RTN3: variants seen among roughly 807,000 people sequenced by gnomAD.
RTN3 encodes reticulon-3.
In RTN3, 49 loss-of-function variants were observed where a neutral mutation model predicts 77.8. The ratio of observed to expected loss-of-function variants is 0.63; its 90% CI spans 0.50 to 0.80. The LOEUF (loss-of-function observed/expected upper bound fraction) is 0.80, where lower values mean the gene tolerates loss of function less well. Among genes scored for constraint, RTN3 ranks in the 30% least tolerant of loss-of-function variants. The probability of loss-of-function intolerance (pLI) is 0.00; values close to 1 mark genes in which losing one functional copy is unlikely to be tolerated. For synonymous variants in RTN3, 464 were observed against 446.9 expected (o/e 1.04, Z -0.48); for missense variants, 1,236 against 1,211.9 (o/e 1.02, Z -0.29).
At position 63,687,748 on chromosome 11, in the gene RTN3, C is replaced by G. The variant is rs576427246; in HGVS notation, c.142+5970C>G. Among the ~76,000 whole-genome samples, 48 of 152,264 alleles carry G rather than the reference C, an allele frequency of 3.2e-4. 1 individual carries two copies. The highest frequency in any genetic ancestry group is 1.2e-3 in the African/African-American group (48 of 41,544). The stretch of plus-strand genomic sequence containing the variant: ...ACACATTTGCTTTGTACCCTTAAAT[C>G]CTGACCTTTATTAAATAACAATACC... On this transcript the variant is annotated intron_variant, in intron 1 of 8. Coordinates refer to ENST00000377819, the MANE Select transcript of RTN3 (RefSeq NM_001265589.2).
chr11:63,694,490 T>G (rs1046639135), intron 1 of RTN3, among the ~76,000 whole-genome samples: 2 of 151,502 alleles, frequency 1.3e-5, no homozygotes, highest in African/African-American at 4.9e-5. Context: ...AATTTACTTT[T>G]AAGACAAGGC....
At chr11:63,703,079 CA>C (rs1414402360) in intron 1 of RTN3, among the ~76,000 whole-genome samples, 3 of 151,790 alleles carry the variant, frequency 2.0e-5, no homozygotes, top group African/African-American at 7.3e-5. Flanking sequence ...TGGATTCAAC[CA>C]ATTGTGGACC....
intron 1 of RTN3, among the ~76,000 whole-genome samples, chr11:63,690,356 CAT>C (rs1941590893): frequency 6.6e-6 from 1 of 152,134 alleles, no homozygotes; most frequent in Non-Finnish European, 1.5e-5. Flanking sequence ...AAGTTGTGCC[CAT>C]ATGTTACCTT....
At chr11:63,688,429 A>G (rs1412787609) in intron 1 of RTN3, among the ~76,000 whole-genome samples, 1 of 152,132 alleles carries the variant, frequency 6.6e-6, no homozygotes, top group East Asian at 1.9e-4. Flanking sequence ...TCACCATGTT[A>G]GCCAGGATGG....
intron 2 of RTN3, among the ~76,000 whole-genome samples, chr11:63,718,355 C>G (rs2011519443): frequency 6.6e-6 from 1 of 152,158 alleles, no homozygotes; most frequent in African/African-American, 2.4e-5. Context: ...TTGATTAGCT[C>G]TATCAAAGAA....
chr11:63,757,301 T>C lies in RTN3; in HGVS notation c.3054-855T>C, dbSNP rs565562466. 2.8e-4 allele frequency among the ~76,000 whole-genome samples: 43 copies of C among 152,300 alleles called. 2 individuals carry two copies. In the South Asian group the frequency reaches 8.5e-3, roughly 30 times the overall value. On this transcript the variant is annotated intron_variant, in intron 8 of 8. Coordinates refer to ENST00000377819, the MANE Select transcript of RTN3 (RefSeq NM_001265589.2). ...GTTGTTTTCTTCTTTTTACTTTTTT[T>C]CCCCATACCTAGAGGACAGTATTTT...
Position 63,720,323 on chromosome 11 carries a change from G to T in RTN3, c.1821G>T (p.Glu607Asp). 6.2e-7 allele frequency: 1 copy of T among 1,613,834 alleles called. No homozygotes were observed. Among genetic ancestry groups the T allele is most frequent in the South Asian group, 1.1e-5 (1 of 91,016 alleles). ...CTCCTGAAAAGCCTATTACTACTGA[G>T]AACCCCAAACTTCCTTCAACAGTGT... is the stretch of plus-strand genomic sequence containing the variant. ...EVAPEKPITT[E>D]NPKLPSTVSP... Residue 607 changes from glutamate to aspartate, a missense_variant, in exon 3 of 9, where the codon GAG becomes GAT. Around this residue, in one of 3 missense-constraint regions of RTN3, gnomAD observed 1,056 missense variants for 990.4 expected, o/e 1.07. Transcript: ENST00000377819.
At chr11:63,691,893 A>G (rs1221359901) in intron 1 of RTN3, among the ~76,000 whole-genome samples, 2 of 152,136 alleles carry the variant, frequency 1.3e-5, no homozygotes, top group Admixed American at 6.6e-5. Flanking sequence ...TGAAAATGCA[A>G]GTTGGATCAT....
chr11:63,690,535 G>A (rs1229615942), intron 1 of RTN3, among the ~76,000 whole-genome samples: 1 of 152,210 alleles, frequency 6.6e-6, no homozygotes, highest in Non-Finnish European at 1.5e-5. Flanking sequence ...CCTTCTTACA[G>A]ATGGGGACTC....
intron 3 of RTN3, among the ~76,000 whole-genome samples, chr11:63,728,221 C>T (rs2134952256): frequency 6.6e-6 from 1 of 152,250 alleles, no homozygotes; most frequent in African/African-American, 2.4e-5. Context: ...GCAAAGGATT[C>T]CCAACCAAGG....
intron 2 of RTN3, chr11:63,714,467 CA>C (rs1157955007): frequency 1.3e-5 from 2 of 148,716 alleles, no homozygotes; most frequent in Non-Finnish European, 3.0e-5. Flanking sequence ...GTAGCCATGT[CA>C]TATTAATCTT....
intron 8 of RTN3, among the ~76,000 whole-genome samples, chr11:63,756,568 G>A (rs1335502047): frequency 6.6e-6 from 1 of 152,120 alleles, no homozygotes; most frequent in Non-Finnish European, 1.5e-5. Context: ...AGCTACTGGA[G>A]AGGCTGAGAC....
intron 7 of RTN3, among the ~76,000 whole-genome samples, chr11:63,754,718 A>C (rs1466835747): frequency 9.8e-5 from 11 of 111,996 alleles, no homozygotes; most frequent in Non-Finnish European, 2.1e-4. Context: ...AAAAAAAAAA[A>C]CGCTTAGATG....
chr11:63,714,665 A>G (rs1031890517), intron 2 of RTN3, among the ~76,000 whole-genome samples: 16 of 151,266 alleles, frequency 1.1e-4, no homozygotes, highest in African/African-American at 3.9e-4. Flanking sequence ...GGCACGTGCC[A>G]CCATGCACGG....
intron 3 of RTN3, among the ~76,000 whole-genome samples, chr11:63,743,741 C>T (rs906978424): frequency 6.6e-6 from 1 of 151,806 alleles, no homozygotes; most frequent in African/African-American, 2.4e-5. Context: ...ATGGTGAAAC[C>T]CTGTCTCTAC....
intron 3 of RTN3, among the ~76,000 whole-genome samples, chr11:63,742,469 A>T (rs953942282): frequency 4.6e-5 from 7 of 151,270 alleles, no homozygotes; most frequent in African/African-American, 1.7e-4. Context: ...AACATGGTGA[A>T]ACCCCGTCTC....
intron 3 of RTN3, among the ~76,000 whole-genome samples, chr11:63,746,664 G>A (rs765812852): frequency 1.3e-5 from 2 of 151,870 alleles, no homozygotes; most frequent in Non-Finnish European, 2.9e-5. Flanking sequence ...ATGGGCACCC[G>A]CCACCACGCC....
chr11:63,720,684 A>G lies in RTN3; in HGVS notation c.2182A>G (p.Thr728Ala). Residue 728 changes from threonine to alanine, a missense_variant, in exon 3 of 9, where the codon ACC becomes GCC. Thr to Ala is a moderately conservative substitution (Grantham distance 58). This residue lies in a region of RTN3 where 1,056 missense variants were observed against 990.4 expected (regional missense o/e 1.07). Transcript: ENST00000377819. Reference protein sequence around the residue: ...NGSEPLGVFPTQGTPVASLDL... With the variant: ...NGSEPLGVFPAQGTPVASLDL... ...AAGTGAGCCTCTAGGTGTTTTCCCT[A>G]CCCAAGGTACTCCAGTAGCATCTCT... 6.2e-7 allele frequency: 1 copy of G among 1,614,180 alleles called. No homozygotes were observed. The highest frequency in any genetic ancestry group is 1.3e-5 in the African/African-American group (1 of 75,062).
At chr11:63,755,631 A>G (rs1272239042) in intron 7 of RTN3, among the ~76,000 whole-genome samples, 2 of 143,912 alleles carry the variant, frequency 1.4e-5, no homozygotes, top group Non-Finnish European at 3.0e-5. Flanking sequence ...AGCCTGGACA[A>G]CAAGAACAAA....
Sources: allele counts gnomAD v4.1 joint callset (sites outside exome capture counted in the v4.1 genomes callset), GRCh38; gene constraint gnomAD v4.1.1; regional missense constraint gnomAD v4.1.1; transcripts MANE v1.5; gene names NCBI Gene and HGNC (gene_info 2026-07-23, HGNC 2026-07-21).